Variants in WWOX observed in about 807,000 individuals in gnomAD.
WWOX encodes WW domain-containing oxidoreductase.
In WWOX, 69 loss-of-function variants were observed where a neutral mutation model predicts 46.2. That is an observed-to-expected ratio of 1.49 (90% CI 1.23 to 1.82). The LOEUF (loss-of-function observed/expected upper bound fraction) is 1.82. Ranked by LOEUF, WWOX falls within the 40% of genes most tolerant of loss-of-function variation. WWOX has a pLI of 0.00. For synonymous variants in WWOX, 359 were observed against 202.6 expected (o/e 1.77, Z -6.56); for missense variants, 919 against 542.6 (o/e 1.69, Z -6.89).
chr16:78,520,871 A>G (rs759688399), intron 8 of WWOX, among the ~76,000 whole-genome samples: 4 of 152,166 alleles, frequency 2.6e-5, no homozygotes, highest in Non-Finnish European at 4.4e-5. Flanking sequence ...CTTATAGGCA[A>G]GAGACGAATT....
chr16:78,321,306 A>ATATATATGCGTATATATATATG (rs2080465759), intron 5 of WWOX, among the ~76,000 whole-genome samples: 1 of 74,214 alleles, frequency 1.3e-5, no homozygotes, highest in Non-Finnish European at 2.9e-5. Context: ...ATATATACGT[A>ATATATATGCGTATATATATATG]TATATATGCG....
intron 8 of WWOX, among the ~76,000 whole-genome samples, chr16:78,585,675 G>GTTT (rs72477856): frequency 5.6e-5 from 8 of 141,910 alleles, no homozygotes; most frequent in African/African-American, 2.1e-4. Flanking sequence ...TTTGTTTTGG[G>GTTT]TTTTTTTTTT....
intron 8 of WWOX, among the ~76,000 whole-genome samples, chr16:78,924,204 C>G (rs566713187): frequency 2.0e-5 from 3 of 152,152 alleles, no homozygotes; most frequent in East Asian, 1.9e-4. Flanking sequence ...TGGGAGGTCT[C>G]TGAAGCTTGG....
Position 78,099,879 on chromosome 16 carries a change from A to T in WWOX, c.101A>T (p.Tyr34Phe), listed in dbSNP as rs766309882. ...ERTTKDGWVYYANHTEEKTQW... is the reference protein window; with the variant it reads ...ERTTKDGWVYFANHTEEKTQW... Reference sequence around the variant, plus strand: ...ACCACCAAGGACGGCTGGGTTTACTACGCCAAGTAAGGGGGCCGCAGTGGG... The same window carrying T: ...ACCACCAAGGACGGCTGGGTTTACTTCGCCAAGTAAGGGGGCCGCAGTGGG... The change falls in exon 1 of 9, where the codon TAC becomes TTC. Residue 34 changes from tyrosine to phenylalanine, a missense_variant. Tyr to Phe is a conservative substitution (Grantham distance 22, BLOSUM62 3). Transcript: ENST00000566780. The T allele has an allele frequency of 2.6e-6, 4 of 1,565,490 alleles. No homozygotes were observed. The South Asian group carries it at 3.5e-5, about 14-fold the overall frequency.
At chr16:79,115,225 G>A (rs571134623) in intron 8 of WWOX, among the ~76,000 whole-genome samples, 1 of 152,296 alleles carries the variant, frequency 6.6e-6, no homozygotes, top group Non-Finnish European at 1.5e-5. Flanking sequence ...TTACTTGGCT[G>A]GAATTCTCTC....
intron 8 of WWOX, among the ~76,000 whole-genome samples, chr16:79,169,874 G>A (rs369146995): frequency 6.6e-6 from 1 of 152,096 alleles, no homozygotes; most frequent in Non-Finnish European, 1.5e-5. Flanking sequence ...TTCTTACAGC[G>A]GGCTTGATGG....
chr16:78,158,761 C>A (rs887300552), intron 4 of WWOX, among the ~76,000 whole-genome samples: 1 of 152,122 alleles, frequency 6.6e-6, no homozygotes, highest in Admixed American at 6.5e-5. Context: ...AAAAGCCTTA[C>A]GTATTTGATG....
intron 8 of WWOX, among the ~76,000 whole-genome samples, chr16:78,583,580 G>A (rs1165155668): frequency 6.6e-6 from 1 of 152,186 alleles, no homozygotes; most frequent in Admixed American, 6.5e-5. Flanking sequence ...GCCTTGAAAT[G>A]TCAGGGTCCC....
At chr16:78,314,036 C>T (rs149373474) in intron 5 of WWOX, among the ~76,000 whole-genome samples, 1 of 152,092 alleles carries the variant, frequency 6.6e-6, no homozygotes, top group South Asian at 2.1e-4. Flanking sequence ...CCTCACACAT[C>T]TATAAAATGG....
In WWOX at chr16:78,099,703, T is replaced by G; in HGVS notation, c.-76T>G. ...GGCCCCGACGCGCGCGGGTCTCGTT[T>G]GGAGCGGGAGTGAGTTCCTGAGCGA... On this transcript the variant is annotated 5_prime_UTR_variant, in exon 1 of 9. Coordinates refer to ENST00000566780, the MANE Select transcript of WWOX (RefSeq NM_016373.4). 1 of 1,469,944 alleles carries G rather than the reference T, an allele frequency of 6.8e-7. No homozygotes were observed. Among genetic ancestry groups the G allele is most frequent in the Non-Finnish European group, 9.0e-7 (1 of 1,110,806 alleles). The allele number at this position is 1,469,944 out of a possible 1,614,324, so 91.1% of individuals were successfully genotyped here. A position where few individuals can be genotyped will look rare whatever the true frequency, so the allele number is the denominator to read the frequency against.
intron 6 of WWOX, among the ~76,000 whole-genome samples, chr16:78,417,293 A>G (rs1017733088): frequency 6.6e-6 from 1 of 151,886 alleles, no homozygotes; most frequent in African/African-American, 2.4e-5. Flanking sequence ...AGGTCTTGCT[A>G]TGTTGTCCAG....
intron 8 of WWOX, among the ~76,000 whole-genome samples, chr16:78,600,406 G>A (rs937769614): frequency 6.6e-5 from 10 of 152,066 alleles, no homozygotes; most frequent in Admixed American, 2.0e-4. Flanking sequence ...TTTGTTACTG[G>A]GTTGTTTCCA....
At chr16:78,507,609 A>T (rs1196431206) in intron 8 of WWOX, among the ~76,000 whole-genome samples, 1 of 152,114 alleles carries the variant, frequency 6.6e-6, no homozygotes, top group Admixed American at 6.5e-5. Context: ...TCACACACAT[A>T]TCACCCCCAT....
chr16:79,172,361 C>T (rs999541884), intron 8 of WWOX, among the ~76,000 whole-genome samples: 3 of 152,148 alleles, frequency 2.0e-5, no homozygotes, highest in Non-Finnish European at 1.5e-5. Flanking sequence ...TCCATGATTT[C>T]AGAGCAGGCA....
intron 8 of WWOX, among the ~76,000 whole-genome samples, chr16:79,104,519 C>T (rs2049268433): frequency 6.6e-6 from 1 of 152,082 alleles, no homozygotes; most frequent in Non-Finnish European, 1.5e-5. Flanking sequence ...TCAGTAATTT[C>T]CGAGAAATAT....
At position 78,887,939 on chromosome 16, in the gene WWOX, A is replaced by G. The variant is rs572447827; in HGVS notation, c.1057-323669A>G. ...AGGGGATGAATTTTTCATTCACATT[A>G]GAAAGCTCACTCTGACAAACAATTT... On this transcript the variant is annotated intron_variant, in intron 8 of 8. Transcript: ENST00000566780. Among the ~76,000 whole-genome samples the G allele has an allele frequency of 4.7e-4, 72 of 152,348 alleles. 1 individual carries two copies. The highest frequency in any genetic ancestry group is 8.7e-4 in the Non-Finnish European group (59 of 68,030).
intron 8 of WWOX, among the ~76,000 whole-genome samples, chr16:79,156,514 C>A (rs1281879718): frequency 6.6e-6 from 1 of 152,092 alleles, no homozygotes; most frequent in African/African-American, 2.4e-5. Flanking sequence ...TCAAATTTGC[C>A]ACACCAAGTA....
intron 8 of WWOX, among the ~76,000 whole-genome samples, chr16:79,076,811 A>G (rs34026410): frequency 0.32 from 49,187 of 152,190 alleles, 9,658 homozygotes; most frequent in East Asian, 0.67. Context: ...GGTTATAATG[A>G]AGATGAAACT....
At chr16:78,613,851 C>A (rs889110794) in intron 8 of WWOX, among the ~76,000 whole-genome samples, 1 of 152,198 alleles carries the variant, frequency 6.6e-6, no homozygotes, top group Non-Finnish European at 1.5e-5. Context: ...ACTGCGTATT[C>A]TGTGTATTAC....
Sources: allele counts gnomAD v4.1 joint callset (sites outside exome capture counted in the v4.1 genomes callset), GRCh38; gene constraint gnomAD v4.1.1; transcripts MANE v1.5; gene names NCBI Gene and HGNC (gene_info 2026-07-23, HGNC 2026-07-21).